The following KCNJ10 variants were observed in gnomAD, a reference collection of about 807,000 sequenced individuals.
KCNJ10 encodes the protein potassium inwardly rectifying channel subfamily J member 10.
KCNJ10 carries 9 observed loss-of-function variants against 22.2 expected under a neutral mutation model. That is an observed-to-expected ratio of 0.40 (90% confidence interval 0.24 to 0.71). KCNJ10 has a LOEUF of 0.71. Ranked by LOEUF, KCNJ10 falls within the 30% of genes least tolerant of loss-of-function variation. The pLI is 0.35. For synonymous variants in KCNJ10, 184 were observed against 187.3 expected (o/e 0.98, Z 0.15); for missense variants, 337 against 482.7 (o/e 0.70, Z 2.83).
chr1:160,060,561 C>T (rs1234171771), intron 1 of KCNJ10, among the ~76,000 whole-genome samples: 1 of 152,224 alleles, frequency 6.6e-6, no homozygotes, highest in South Asian at 2.1e-4. Flanking sequence ...TGGAGATTAG[C>T]ACTCAATAAT....
Position 160,041,654 on chromosome 1 carries a change from G to A in KCNJ10, c.879C>T (p.Thr293=), listed in dbSNP as rs749978789. The change falls in exon 2 of 2, where the codon ACC becomes ACT. Residue 293 remains threonine, a synonymous_variant. Transcript: ENST00000644903. This position sits in a 1 kb window ranked among gnomAD's most constrained non-coding sequence, Gnocchi z 4.4. ...GCAGGTAGGAAGTGCGCACCTGACA[G>A]GTGGCACTGGTGGACTCCACTGTCC... The part of the protein sequence containing the change: ...LSGTVESTSA[T]CQVRTSYLPE... The A allele has an allele frequency of 6.2e-7, 1 of 1,614,210 alleles. No homozygotes were observed. Among genetic ancestry groups the A allele is most frequent in the Admixed American group, 1.7e-5 (1 of 60,032 alleles).
chr1:160,061,801 G>A (rs1649201665), intron 1 of KCNJ10, among the ~76,000 whole-genome samples: 1 of 151,674 alleles, frequency 6.6e-6, no homozygotes, highest in Non-Finnish European at 1.5e-5. Flanking sequence ...CATATGCCAG[G>A]AGGTGGTGTT....
In KCNJ10 at chr1:160,056,218, G is replaced by A. The variant is rs145776402; in HGVS notation, c.1-13686C>T. Among the ~76,000 whole-genome samples, 152 of 152,142 alleles carry A rather than the reference G, an allele frequency of 1.0e-3. 1 individual carries two copies. Among genetic ancestry groups the A allele is most frequent in the African/African-American group, 3.4e-3 (141 of 41,458 alleles). On this transcript the variant is annotated intron_variant, in intron 1 of 1. Transcript: ENST00000644903. The stretch of plus-strand genomic sequence containing the variant: ...CACCCAGGCTCACTGTGCTCATCTC[G>A]GTCCTCGGCTGCCTCAGTGCACACA...
chr1:160,054,997 G>T (rs1455345381), intron 1 of KCNJ10, among the ~76,000 whole-genome samples: 1 of 152,096 alleles, frequency 6.6e-6, no homozygotes, highest in African/African-American at 2.4e-5. Flanking sequence ...AACCATCAGG[G>T]GGTGGGGCTC....
rs1275336894 is a variant in KCNJ10, at chr1:160,039,940, A to T, written c.*1453T>A. On this transcript the variant is annotated 3_prime_UTR_variant, in exon 2 of 2. Coordinates refer to ENST00000644903, the MANE Select transcript of KCNJ10 (RefSeq NM_002241.5). ...TGCCCTTCCCTGACCCTTACCACAG[A>T]CCCCACCAGGGAACAAGGAATAGGC... 2 of 152,122 alleles carry T rather than the reference A, an allele frequency of 1.3e-5. No homozygotes were observed. Among genetic ancestry groups the T allele is most frequent in the East Asian group, 3.8e-4 (2 of 5,198 alleles). The allele number at this position is 152,122 out of a possible 1,614,324, so 9.4% of individuals were successfully genotyped here.
chr1:160,065,950 A>G (rs1243562090), intron 1 of KCNJ10, among the ~76,000 whole-genome samples: 1 of 152,082 alleles, frequency 6.6e-6, no homozygotes, highest in Non-Finnish European at 1.5e-5. Context: ...GAACAAGCCA[A>G]TCAGGAGACA....
intron 1 of KCNJ10, among the ~76,000 whole-genome samples, chr1:160,061,519 G>A (rs928434251): frequency 6.6e-6 from 1 of 152,162 alleles, no homozygotes; most frequent in Non-Finnish European, 1.5e-5. Flanking sequence ...CCATGGTTGA[G>A]GCAGGAATGG....
At position 160,041,244 on chromosome 1, in the gene KCNJ10, C is replaced by G. The variant is rs1648592347; in HGVS notation, c.*149G>C. 3 of 800,986 alleles carry G rather than the reference C, an allele frequency of 3.7e-6. No homozygotes were observed. Among genetic ancestry groups the G allele is most frequent in the Non-Finnish European group, 6.1e-6 (3 of 490,970 alleles). The allele number at this position is 800,986 out of a possible 1,614,324, so 49.6% of individuals were successfully genotyped here. A position where few individuals can be genotyped will look rare whatever the true frequency, so the allele number is the denominator to read the frequency against. On this transcript the variant is annotated 3_prime_UTR_variant, in exon 2 of 2. Coordinates refer to ENST00000644903, the MANE Select transcript of KCNJ10 (RefSeq NM_002241.5). The surrounding 1 kb of genome is among the most constrained non-coding windows in gnomAD (Gnocchi z 4.4). Reference sequence around the variant, plus strand: ...GAGGCGAACCTGGACTCCAGTTGGCCTAAGCTACCAACAGGCCACTGGGTT... The same window carrying G: ...GAGGCGAACCTGGACTCCAGTTGGCGTAAGCTACCAACAGGCCACTGGGTT...
Position 160,039,555 on chromosome 1 carries a change from T to A in KCNJ10, c.*1838A>T, listed in dbSNP as rs920012947. Reference sequence around the variant, plus strand: ...ATTTTTCAAGTTTTTGTGGTTCTTGTTTTTATGCCAACTAGAAGGTAATGG... The same window carrying A: ...ATTTTTCAAGTTTTTGTGGTTCTTGATTTTATGCCAACTAGAAGGTAATGG... On this transcript the variant is annotated 3_prime_UTR_variant, in exon 2 of 2. Coordinates refer to ENST00000644903, the MANE Select transcript of KCNJ10 (RefSeq NM_002241.5). 6.6e-6 allele frequency: 1 copy of A among 152,164 alleles called. No individual in the cohort carries two copies. Among genetic ancestry groups the A allele is most frequent in the African/African-American group, 2.4e-5 (1 of 41,428 alleles). 9.4% of individuals were successfully genotyped at this position (152,164 alleles called of 1,614,324 possible).
At chr1:160,046,028 G>A (rs1648734490) in intron 1 of KCNJ10, among the ~76,000 whole-genome samples, 1 of 152,182 alleles carries the variant, frequency 6.6e-6, no homozygotes, top group Non-Finnish European at 1.5e-5. Context: ...TTGAAAGACT[G>A]TCTTGAAGAT....
At chr1:160,058,211 C>T (rs1210171442) in intron 1 of KCNJ10, among the ~76,000 whole-genome samples, 3 of 152,300 alleles carry the variant, frequency 2.0e-5, no homozygotes, top group East Asian at 3.9e-4. Flanking sequence ...CTTCATCCTT[C>T]GGAAGTCCTT....
At chr1:160,062,025 G>T (rs968634580) in intron 1 of KCNJ10, among the ~76,000 whole-genome samples, 1 of 151,968 alleles carries the variant, frequency 6.6e-6, no homozygotes, top group African/African-American at 2.4e-5. Context: ...GGCAGGCTCT[G>T]AGTGCCCCTT....
In KCNJ10 at chr1:160,041,145, T is replaced by A; in HGVS notation, c.*248A>T. The stretch of plus-strand genomic sequence containing the variant: ...CTAAGCCACTTCAGCCTAATCCCAC[T>A]CTTTCCCCCATCCTGGCTTAAGGGA... On this transcript the variant is annotated 3_prime_UTR_variant, in exon 2 of 2. Coordinates refer to ENST00000644903, the MANE Select transcript of KCNJ10 (RefSeq NM_002241.5). This position sits in a 1 kb window ranked among gnomAD's most constrained non-coding sequence, Gnocchi z 4.4. The A allele has an allele frequency of 3.6e-6, 2 of 559,796 alleles. No individual in the cohort carries two copies. The highest frequency in any genetic ancestry group is 6.1e-5 in the Admixed American group (2 of 32,788). The allele number at this position is 559,796 out of a possible 1,614,324, so 34.7% of individuals were successfully genotyped here. A position where few individuals can be genotyped will look rare whatever the true frequency, so the allele number is the denominator to read the frequency against.
chr1:160,068,666 A>G lies in KCNJ10; in HGVS notation c.-1+1356T>C, dbSNP rs146086702. ...GAGTCAGGATGCCTGGTTCCTTCCAAACTTGGTCCCCTATACCCAGTCTAC... is the reference window on the plus strand; with the variant it reads ...GAGTCAGGATGCCTGGTTCCTTCCAGACTTGGTCCCCTATACCCAGTCTAC... On this transcript the variant is annotated intron_variant, in intron 1 of 1. Transcript: ENST00000644903. Among the ~76,000 whole-genome samples, 382 of 152,270 alleles carry G rather than the reference A, an allele frequency of 2.5e-3. 3 individuals carry two copies. The highest frequency in any genetic ancestry group is 8.2e-3 in the African/African-American group (342 of 41,558).
intron 1 of KCNJ10, among the ~76,000 whole-genome samples, chr1:160,055,370 C>A (rs1331659464): frequency 6.6e-6 from 1 of 152,104 alleles, no homozygotes; most frequent in Non-Finnish European, 1.5e-5. Flanking sequence ...TCATTAAATC[C>A]AAGGGTGTCT....
chr1:160,056,475 C>T (rs1404392080), intron 1 of KCNJ10, among the ~76,000 whole-genome samples: 1 of 152,154 alleles, frequency 6.6e-6, no homozygotes, highest in Non-Finnish European at 1.5e-5. Context: ...CCTAGAACAT[C>T]CTCTGCCTGC....
chr1:160,062,101 C>T (rs540270539), intron 1 of KCNJ10, among the ~76,000 whole-genome samples: 2 of 152,146 alleles, frequency 1.3e-5, no homozygotes, highest in South Asian at 4.1e-4. Context: ...CCCCTGTGAG[C>T]CTAGGGCCTC....
At chr1:160,057,799 G>A (rs545077297) in intron 1 of KCNJ10, among the ~76,000 whole-genome samples, 16 of 152,134 alleles carry the variant, frequency 1.1e-4, no homozygotes, top group Non-Finnish European at 2.1e-4. Flanking sequence ...GAGAAGGGCG[G>A]GGGAGGCTGA....
intron 1 of KCNJ10, among the ~76,000 whole-genome samples, chr1:160,043,792 G>A (rs1355448152): frequency 6.6e-6 from 1 of 152,222 alleles, no homozygotes; most frequent in Admixed American, 6.5e-5. Flanking sequence ...CACTGAAATA[G>A]GAGACAATTC....
Sources: allele counts gnomAD v4.1 joint callset (sites outside exome capture counted in the v4.1 genomes callset), GRCh38; gene constraint gnomAD v4.1.1; non-coding constraint Gnocchi (gnomAD v3.1); transcripts MANE v1.5; gene names NCBI Gene and HGNC (gene_info 2026-07-23, HGNC 2026-07-21).